MAPT: variants seen among roughly 807,000 people sequenced by gnomAD.
The protein encoded by MAPT is microtubule associated protein tau, also known as microtubule-associated protein tau.
MAPT carries 34 observed loss-of-function variants against 67.9 expected under a neutral mutation model. The observed-to-expected ratio is 0.50, with a 90% CI of 0.38 to 0.67. The LOEUF is 0.67. Ranked by LOEUF, MAPT falls within the 30% of genes least tolerant of loss-of-function variation. The probability of loss-of-function intolerance (pLI) is 0.00; values close to 1 mark genes in which losing one functional copy is unlikely to be tolerated. For synonymous variants in MAPT, 456 were observed against 464.5 expected (o/e 0.98, Z 0.23); for missense variants, 881 against 1,115.2 (o/e 0.79, Z 2.99).
At chr17:45,998,126 C>G (rs562055910) in intron 9 of MAPT, among the ~76,000 whole-genome samples, 3 of 152,216 alleles carry the variant, frequency 2.0e-5, no homozygotes, top group South Asian at 2.1e-4. Context: ...TTGCCTCCCC[C>G]ACGCAGGCGC....
chr17:45,924,232 G>A (rs901282805), intron 1 of MAPT, among the ~76,000 whole-genome samples: 1 of 151,980 alleles, frequency 6.6e-6, no homozygotes, highest in Non-Finnish European at 1.5e-5. Context: ...CCAGAACACA[G>A]CCTCTGTACC....
chr17:45,979,328 T>G (rs2072713098), intron 4 of MAPT: 1 of 152,244 alleles, frequency 6.6e-6, no homozygotes, highest in South Asian at 2.1e-4. Flanking sequence ...TAAATGAACT[T>G]GAGAGCCTAC....
chr17:45,960,686 C>T lies in MAPT; in HGVS notation c.-17-1635C>T, dbSNP rs548309082. Among the ~76,000 whole-genome samples, 9 of 152,270 alleles carry T rather than the reference C, an allele frequency of 5.9e-5. No individual in the cohort carries two copies. In the East Asian group the frequency reaches 1.2e-3, roughly 20 times the overall value. ...TGAATAGAGCCAGGCATGGTGGCAG[C>T]TTATGCCTGTAATCCCAACACTTTG... On this transcript the variant is annotated intron_variant, in intron 1 of 12. Coordinates refer to ENST00000262410, the MANE Select transcript of MAPT (RefSeq NM_001377265.1).
chr17:45,989,785 CTTAT>C, intron 6 of MAPT, 89 bp from the exon 7 acceptor site: 1 of 1,138,244 alleles, frequency 8.8e-7, no homozygotes, highest in South Asian at 1.2e-5. Context: ...CATTACCTGC[CTTAT>C]TTATTTTTAG....
At chr17:45,956,424 C>G (rs1195920275) in intron 1 of MAPT, among the ~76,000 whole-genome samples, 1 of 152,016 alleles carries the variant, frequency 6.6e-6, no homozygotes, top group Non-Finnish European at 1.5e-5. Context: ...GAGCTGCTCT[C>G]TCTAGAACCC....
At chr17:45,946,599 A>T (rs1281551654) in intron 1 of MAPT, among the ~76,000 whole-genome samples, 1 of 80,070 alleles carries the variant, frequency 1.2e-5, no homozygotes, top group African/African-American at 6.8e-5. Context: ...ACTCTGTCTT[A>T]AAAAAAAAAA....
chr17:45,955,513 A>G (rs78555354), intron 1 of MAPT, among the ~76,000 whole-genome samples: 21,808 of 152,068 alleles, frequency 0.14, 2,134 homozygotes, highest in Non-Finnish European at 0.22. Context: ...CACCTCACCC[A>G]CCTACAGGTG....
At chr17:45,907,717 G>C (rs1197208533) in intron 1 of MAPT, 2 of 152,182 alleles carry the variant, frequency 1.3e-5, no homozygotes, top group African/African-American at 4.8e-5. Context: ...CCCTACTTCA[G>C]ACCAACTTAA....
intron 1 of MAPT, among the ~76,000 whole-genome samples, chr17:45,953,975 A>G (rs2069345750): frequency 2.0e-5 from 3 of 152,218 alleles, no homozygotes; most frequent in Non-Finnish European, 2.9e-5. Flanking sequence ...ATCGGAACAT[A>G]CAATGATTCT....
chr17:45,925,509 G>A (rs1454226756), intron 1 of MAPT, among the ~76,000 whole-genome samples: 1 of 152,234 alleles, frequency 6.6e-6, no homozygotes, highest in East Asian at 1.9e-4. Flanking sequence ...TCACTTCTAG[G>A]AATCTGTCCT....
chr17:45,935,475 G>A (rs2067239399), intron 1 of MAPT, among the ~76,000 whole-genome samples: 2 of 152,236 alleles, frequency 1.3e-5, no homozygotes, highest in African/African-American at 4.8e-5. Context: ...GGAACTCAGA[G>A]GTGGTGCAGG....
chr17:45,926,787 G>C (rs2066336599), intron 1 of MAPT, among the ~76,000 whole-genome samples: 1 of 152,002 alleles, frequency 6.6e-6, no homozygotes, highest in South Asian at 2.1e-4. Context: ...TCATCATCCA[G>C]GTTCCAGCAG....
At chr17:45,929,172 G>A (rs1011658117) in intron 1 of MAPT, among the ~76,000 whole-genome samples, 9 of 152,048 alleles carry the variant, frequency 5.9e-5, no homozygotes, top group Admixed American at 5.9e-4. Flanking sequence ...ATTTTCCTAG[G>A]TAAAAATATG....
At chr17:46,008,845 A>G (rs1372564959) in intron 9 of MAPT, among the ~76,000 whole-genome samples, 2 of 152,188 alleles carry the variant, frequency 1.3e-5, no homozygotes, top group Non-Finnish European at 2.9e-5. Flanking sequence ...CGGCCTGGGC[A>G]CGGCTGGTCC....
chr17:45,922,299 G>A (rs1365591131), intron 1 of MAPT, among the ~76,000 whole-genome samples: 1 of 152,144 alleles, frequency 6.6e-6, no homozygotes, highest in Non-Finnish European at 1.5e-5. Context: ...TTTGAGGGTG[G>A]TTTTGGTTTG....
In MAPT at chr17:45,983,295, G is replaced by A; in HGVS notation, c.716G>A (p.Arg239Lys). ...PGAPLLPEGP[R>K]EATRQPSGTG... The stretch of plus-strand genomic sequence containing the variant: ...GCTCCCCTCCTGCCTGAGGGCCCCA[G>A]AGAGGCCACACGCCAACCTTCGGGG... Residue 239 changes from arginine to lysine, a missense_variant, in exon 5 of 13, where the codon AGA becomes AAA. Transcript: ENST00000262410. 1 of 1,599,760 alleles carries A rather than the reference G, an allele frequency of 6.3e-7. No individual in the cohort carries two copies. The highest frequency in any genetic ancestry group is 1.1e-5 in the South Asian group (1 of 89,160).
At chr17:45,985,208 A>C (rs765245407) in intron 5 of MAPT, among the ~76,000 whole-genome samples, 1 of 152,116 alleles carries the variant, frequency 6.6e-6, no homozygotes, top group African/African-American at 2.4e-5. Flanking sequence ...GGGAGGCTGA[A>C]GCAGGATAAG....
At chr17:45,907,881 C>T (rs62056811) in intron 1 of MAPT, 21,830 of 152,268 alleles carry the variant, frequency 0.14, 2,135 homozygotes, top group Middle Eastern at 0.22. Context: ...AACTGAGACT[C>T]AGAGATTTCA....
chr17:45,916,112 T>G, intron 1 of MAPT, among the ~76,000 whole-genome samples: 1 of 152,096 alleles, frequency 6.6e-6, no homozygotes, highest in Non-Finnish European at 1.5e-5. Context: ...CATCCCCACA[T>G]TCCCGGAGGG....
Sources: gnomAD v4.1 joint callset for allele counts (sites outside exome capture counted in the v4.1 genomes callset) on GRCh38, gnomAD v4.1.1 for gene constraint, MANE v1.5 for transcripts, NCBI Gene and HGNC (gene_info 2026-07-23, HGNC 2026-07-21) for gene names.